Variants in SRPK2 observed in about 807,000 individuals in gnomAD.
SRPK2 encodes the protein SFRS protein kinase 2.
In SRPK2, 21 loss-of-function variants were observed where a neutral mutation model predicts 90.8. That is an observed-to-expected ratio of 0.23 (90% CI 0.16 to 0.33). SRPK2 has a LOEUF of 0.33. Among genes scored for constraint, SRPK2 ranks in the 10% least tolerant of loss-of-function variants. The pLI is 1.00. For synonymous variants in SRPK2, 288 were observed against 311.1 expected (o/e 0.93, Z 0.78); for missense variants, 620 against 869.0 (o/e 0.71, Z 3.60).
At chr7:105,226,851 A>C (rs1311893173) in intron 2 of SRPK2, among the ~76,000 whole-genome samples, 5 of 152,038 alleles carry the variant, frequency 3.3e-5, no homozygotes, top group African/African-American at 7.2e-5. Context: ...TAGAAAAATT[A>C]GCCAGGCTTG....
intron 2 of SRPK2, among the ~76,000 whole-genome samples, chr7:105,314,174 T>C (rs1812050454): frequency 1.3e-5 from 2 of 151,480 alleles, no homozygotes; most frequent in Non-Finnish European, 1.5e-5. Flanking sequence ...CTACTAAAAA[T>C]ATGAAAAATT....
intron 2 of SRPK2, among the ~76,000 whole-genome samples, chr7:105,329,343 T>C (rs1431658203): frequency 6.6e-6 from 1 of 152,066 alleles, no homozygotes; most frequent in Non-Finnish European, 1.5e-5. Flanking sequence ...GAGTGGGTAT[T>C]AAAAGAAGAT....
At chr7:105,390,003 G>A (rs370468933), upstream of SRPK2, among the ~76,000 whole-genome samples, 4 of 152,180 alleles carry the variant, frequency 2.6e-5, no homozygotes, top group East Asian at 7.7e-4. Flanking sequence ...AAAGTTACAA[G>A]GAAAATACAA....
At chr7:105,260,417 G>A (rs989447870) in intron 2 of SRPK2, among the ~76,000 whole-genome samples, 1 of 152,178 alleles carries the variant, frequency 6.6e-6, no homozygotes, top group Non-Finnish European at 1.5e-5. Context: ...AAATAGGAAG[G>A]CTTTTACACT....
At chr7:105,296,878 TA>T (rs542880939) in intron 2 of SRPK2, among the ~76,000 whole-genome samples, 369 of 152,286 alleles carry the variant, frequency 2.4e-3, no homozygotes, top group African/African-American at 8.6e-3. Context: ...GCAGAGAGGT[TA>T]AATAGCTTGG....
At chr7:105,380,153 A>AG in intron 2 of SRPK2, among the ~76,000 whole-genome samples, 1 of 152,366 alleles carries the variant, frequency 6.6e-6, no homozygotes, top group Non-Finnish European at 1.5e-5. Flanking sequence ...TATCCTTAAG[A>AG]GGGAGTTTCA....
chr7:105,346,782 A>T (rs1585814267), intron 2 of SRPK2, among the ~76,000 whole-genome samples: 1 of 148,484 alleles, frequency 6.7e-6, no homozygotes, highest in Non-Finnish European at 1.5e-5. Context: ...ACAACAACAA[A>T]CCCACAAAAG....
intron 2 of SRPK2, among the ~76,000 whole-genome samples, chr7:105,216,668 AAAG>A (rs1797507798): frequency 1.3e-5 from 2 of 151,630 alleles, no homozygotes; most frequent in South Asian, 4.2e-4. Flanking sequence ...AAAAAAAAAA[AAAG>A]AGAGAGAGAG....
intron 2 of SRPK2, among the ~76,000 whole-genome samples, chr7:105,274,746 T>C (rs1806266145): frequency 6.6e-6 from 1 of 152,110 alleles, no homozygotes; most frequent in Non-Finnish European, 1.5e-5. Context: ...TAGTTCCTAT[T>C]TTCTTACACA....
chr7:105,201,635 G>GAC (rs1795568026), intron 3 of SRPK2, among the ~76,000 whole-genome samples: 1 of 146,032 alleles, frequency 6.8e-6, no homozygotes, highest in Non-Finnish European at 1.5e-5. Flanking sequence ...GCTACCAGAA[G>GAC]AAAAAAAAAA....
At chr7:105,253,486 T>C (rs1585374353) in intron 2 of SRPK2, among the ~76,000 whole-genome samples, 1 of 152,190 alleles carries the variant, frequency 6.6e-6, no homozygotes, top group Admixed American at 6.5e-5. Context: ...ACCTGGTCAC[T>C]ATATACCCCT....
chr7:105,388,990 G>T (rs918595187), upstream of SRPK2: 1 of 293,510 alleles, frequency 3.4e-6, no homozygotes, highest in Non-Finnish European at 4.1e-6. Context: ...CCCCGCCCCC[G>T]CCCCGCCCCC....
chr7:105,392,393 G>A (rs1431370027), upstream of SRPK2, among the ~76,000 whole-genome samples: 1 of 152,204 alleles, frequency 6.6e-6, no homozygotes, highest in Non-Finnish European at 1.5e-5. Flanking sequence ...TTACTTGTGT[G>A]GGGTGATACT....
chr7:105,205,983 A>G (rs1232094717), intron 2 of SRPK2: 2 of 518,958 alleles, frequency 3.9e-6, no homozygotes, highest in East Asian at 1.1e-4. Flanking sequence ...AAGAAAAGAC[A>G]AGAAATGATG....
intron 2 of SRPK2, among the ~76,000 whole-genome samples, chr7:105,385,130 C>A (rs1302401745): frequency 6.8e-6 from 1 of 147,666 alleles, no homozygotes; most frequent in Non-Finnish European, 1.5e-5. Flanking sequence ...CCTCGGCCTC[C>A]CAAAGTGCTG....
chr7:105,363,285 AAGGGCTAATATCC>A (rs1818645787), intron 2 of SRPK2, among the ~76,000 whole-genome samples: 1 of 152,168 alleles, frequency 6.6e-6, no homozygotes, highest in African/African-American at 2.4e-5. Context: ...CCATCTGACA[AAGGGCTAATATCC>A]AGAATCTACA....
chr7:105,263,745 C>T (rs1267618076), intron 2 of SRPK2, among the ~76,000 whole-genome samples: 1 of 152,114 alleles, frequency 6.6e-6, no homozygotes, highest in Non-Finnish European at 1.5e-5. Context: ...AACACACACA[C>T]ACACAAAACA....
intron 2 of SRPK2, chr7:105,301,550 T>C (rs1475014245): frequency 3.2e-6 from 5 of 1,567,248 alleles, no homozygotes; most frequent in African/African-American, 2.7e-5. Context: ...GAGATGGAAC[T>C]AGAAGCATTA....
At chr7:105,189,291 TG>T (rs1331399525) in intron 3 of SRPK2, 1 of 156,014 alleles carries the variant, frequency 6.4e-6, no homozygotes, top group African/African-American at 2.4e-5. Flanking sequence ...TTAAAGTAGG[TG>T]GTGTAAATGT....
Sources: gnomAD v4.1 joint callset for allele counts (sites outside exome capture counted in the v4.1 genomes callset) on GRCh38, gnomAD v4.1.1 for gene constraint, MANE v1.5 for transcripts, NCBI Gene and HGNC (gene_info 2026-07-23, HGNC 2026-07-21) for gene names.